CHMP1A: variants seen among roughly 807,000 people sequenced by gnomAD.
CHMP1A encodes charged multivesicular body protein 1A.
A neutral mutation model predicts 27.0 loss-of-function variants in CHMP1A; 17 were observed. That is an observed-to-expected ratio of 0.63 (90% CI 0.43 to 0.95). The LOEUF is 0.95. Among genes scored for constraint, CHMP1A ranks in the 40% least tolerant of loss-of-function variants. The pLI, the probability that CHMP1A is intolerant of heterozygous loss-of-function variation, is 0.00. For missense variants in CHMP1A, 275 were observed against 264.0 expected, an observed-to-expected ratio of 1.04 and a Z score of -0.29; for synonymous variants, 131 against 107.5, an observed-to-expected ratio of 1.22 and a Z score of -1.35.
chr16:89,655,920 C>G (rs1008203336), intron 1 of CHMP1A, among the ~76,000 whole-genome samples: 2 of 152,178 alleles, frequency 1.3e-5, no homozygotes, highest in African/African-American at 2.4e-5. Flanking sequence ...GCCACCACAT[C>G]CGGCCTCCCA....
intron 1 of CHMP1A, among the ~76,000 whole-genome samples, chr16:89,656,089 T>G (rs2059864978): frequency 6.6e-6 from 1 of 152,160 alleles, no homozygotes. Context: ...CTCTACACAT[T>G]TCCTTCATGA....
At chr16:89,654,874 C>A (rs888559541) in intron 1 of CHMP1A, among the ~76,000 whole-genome samples, 1 of 151,692 alleles carries the variant, frequency 6.6e-6, no homozygotes, top group South Asian at 2.1e-4. Context: ...ACCCGGGAGG[C>A]AGAGCTTGCA....
intron 1 of CHMP1A, among the ~76,000 whole-genome samples, chr16:89,656,649 G>T (rs2059874611): frequency 6.6e-6 from 1 of 152,196 alleles, no homozygotes; most frequent in Non-Finnish European, 1.5e-5. Flanking sequence ...TTCCCCACAT[G>T]GAGAATGGAC....
intron 3 of CHMP1A, among the ~76,000 whole-genome samples, chr16:89,651,050 T>C (rs1299667803): frequency 3.3e-5 from 5 of 152,024 alleles, no homozygotes; most frequent in Non-Finnish European, 7.4e-5. Flanking sequence ...GTTTGTCTTA[T>C]GTGGGAAGCA....
chr16:89,651,352 C>A (rs959358541), intron 3 of CHMP1A, among the ~76,000 whole-genome samples: 4 of 150,904 alleles, frequency 2.7e-5, no homozygotes, highest in Admixed American at 6.7e-5. Context: ...GCCTGGGCGA[C>A]AGAGCAAGAC....
At chr16:89,651,491 C>T (rs2059823476) in intron 3 of CHMP1A, 78 bp downstream of exon 3, 1 of 1,398,306 alleles carries the variant, frequency 7.2e-7, no homozygotes, top group Non-Finnish European at 1.0e-6. Flanking sequence ...CAAAACAAAA[C>T]AGGACACAAA....
rs530882555 is a variant in CHMP1A, at chr16:89,646,574, G to A, written c.522C>T (p.Ala174=). 67 of 1,596,870 alleles carry A rather than the reference G, an allele frequency of 4.2e-5. No individual in the cohort carries two copies. Among genetic ancestry groups the A allele is most frequent in the Admixed American group, 2.8e-4 (16 of 57,474 alleles). The change falls in exon 6 of 7, where the codon GCC becomes GCT. Residue 174 remains alanine (A), a synonymous_variant. Coordinates refer to ENST00000397901, the MANE Select transcript of CHMP1A (RefSeq NM_002768.5). ...GGCTGCGCACAGAGCTCTCGCCCACGGCAGAGGCGCCCTCGGGCAGCTGGC... is the reference window on the plus strand; with the variant it reads ...GGCTGCGCACAGAGCTCTCGCCCACAGCAGAGGCGCCCTCGGGCAGCTGGC... The part of the protein sequence containing the change: ...QLSQLPEGAS[A]VGESSVRSQE...
chr16:89,657,144 A>C (rs2059885147), intron 1 of CHMP1A, among the ~76,000 whole-genome samples: 1 of 89,824 alleles, frequency 1.1e-5, no homozygotes. Flanking sequence ...GGGGCCTGGG[A>C]AGGGTCCCGG....
rs549248870 is a variant in CHMP1A, at chr16:89,649,450, G to A, written c.153C>T (p.Asn51=). The A allele has an allele frequency of 4.4e-5, 71 of 1,613,730 alleles. No homozygotes were observed. In the South Asian group the frequency reaches 4.9e-4, roughly 11 times the overall value. Residue 51 remains asparagine (N), a synonymous_variant, in exon 4 of 7, where the codon AAC becomes AAT. Coordinates refer to ENST00000397901, the MANE Select transcript of CHMP1A (RefSeq NM_002768.5). Reference sequence around the variant, plus strand: ...CACCTTCGTTCTTCTTGCGGATGGCGTTCTCGGCATACACACGGGCACACT... The same window carrying A: ...CACCTTCGTTCTTCTTGCGGATGGCATTCTCGGCATACACACGGGCACACT... ...NVECARVYAE[N]AIRKKNEGVN...
In CHMP1A at chr16:89,647,917, G is replaced by C. The variant is rs369372540; in HGVS notation, c.253-586C>G. The stretch of plus-strand genomic sequence containing the variant: ...CGACGTGGACACCCAGCGCGGGGTC[G>C]GTGGAGAAAAGGCCGCCGACGTGGG... On this transcript the variant is annotated intron_variant, in intron 4 of 6. Coordinates refer to ENST00000397901, the MANE Select transcript of CHMP1A (RefSeq NM_002768.5). Among the ~76,000 whole-genome samples the C allele has an allele frequency of 0.013, 48 of 3,766 alleles. 16 individuals are homozygous for C. The East Asian group carries it at 0.7, about 55-fold the overall frequency. 2.5% of individuals were successfully genotyped at this position (3,766 alleles called of 152,430 possible).
Position 89,651,549 on chromosome 16 carries a change from C to T in CHMP1A, c.105+20G>A. The T allele has an allele frequency of 6.2e-7, 1 of 1,612,122 alleles. No homozygotes were observed. Among genetic ancestry groups the T allele is most frequent in the Non-Finnish European group, 8.5e-7 (1 of 1,178,480 alleles). The stretch of plus-strand genomic sequence containing the variant: ...AGACAAACCAGGAGAGTCATGACCC[C>T]ACAGCCCCCAGGGTCTCACCTTCTT... On this transcript the variant is annotated intron_variant, in intron 3 of 6. Transcript: ENST00000397901.
chr16:89,646,896 A>AACCC, intron 5 of CHMP1A, 182 bp from the exon 6 acceptor site: 4 of 189,474 alleles, frequency 2.1e-5, no homozygotes, highest in Non-Finnish European at 3.8e-5. Flanking sequence ...CCCCCCACCC[A>AACCC]GCCCCACCCT....
Position 89,645,336 on chromosome 16 carries a change from T to C in CHMP1A, c.*730A>G, listed in dbSNP as rs1432270452. 1 of 153,616 alleles carries C rather than the reference T, an allele frequency of 6.5e-6. No individual in the cohort carries two copies. Among genetic ancestry groups the C allele is most frequent in the East Asian group, 1.9e-4 (1 of 5,202 alleles). 9.5% of individuals were successfully genotyped at this position (153,616 alleles called of 1,614,324 possible). A position where few individuals can be genotyped will look rare whatever the true frequency, so the allele number is the denominator to read the frequency against. On this transcript the variant is annotated 3_prime_UTR_variant, in exon 7 of 7. Transcript: ENST00000397901. ...GAGGAGACAAACAGCACAGCACATG[T>C]GGCCAAAGGCACCTCCAGAGGCAGC...
rs1428189060 is a variant in CHMP1A, at chr16:89,649,355, T to C, written c.248A>G (p.Lys83Arg). 1.9e-6 allele frequency: 3 copies of C among 1,611,744 alleles called. No individual in the cohort carries two copies. Among genetic ancestry groups the C allele is most frequent in the Non-Finnish European group, 2.5e-6 (3 of 1,178,322 alleles). The change falls in exon 4 of 7, where the codon AAG (lysine) becomes AGG (arginine). Residue 83 changes from lysine to arginine, a missense_variant. Physicochemically the swap from Lys to Arg is conservative, Grantham distance 26. Coordinates refer to ENST00000397901, the MANE Select transcript of CHMP1A (RefSeq NM_002768.5). ...ASKVQTAVTM[K>R]GVTKNMAQVT... Reference sequence around the variant, plus strand: ...GCACCAGGGCCCAGCACTCACCCCCTTCATAGTCACAGCTGTCTGCACCTT... The same window carrying C: ...GCACCAGGGCCCAGCACTCACCCCCCTCATAGTCACAGCTGTCTGCACCTT...
chr16:89,656,339 G>A (rs1568006138), intron 1 of CHMP1A, among the ~76,000 whole-genome samples: 1 of 151,824 alleles, frequency 6.6e-6, no homozygotes, highest in African/African-American at 2.4e-5. Flanking sequence ...GGGTTTCACT[G>A]TGTTAGCCAG....
chr16:89,649,711 G>C (rs1054882184), intron 3 of CHMP1A: 3 of 533,312 alleles, frequency 5.6e-6, no homozygotes, highest in Non-Finnish European at 9.8e-6. Context: ...GAGTAGTTGG[G>C]ACTACAGGCG....
chr16:89,649,395 C>A lies in CHMP1A; in HGVS notation c.208G>T (p.Asp70Tyr). Residue 70 changes from aspartate (D) to tyrosine (Y), a missense_variant, in exon 4 of 7, where the codon GAC becomes TAC. Coordinates refer to ENST00000397901, the MANE Select transcript of CHMP1A (RefSeq NM_002768.5). Reference sequence around the variant, plus strand: ...GTCTGCACCTTGGAGGCCACTGCGTCTACGCGGGACGCCATCCGAAGCCAG... The same window carrying A: ...GTCTGCACCTTGGAGGCCACTGCGTATACGCGGGACGCCATCCGAAGCCAG... ...VNWLRMASRV[D>Y]AVASKVQTAV... The A allele has an allele frequency of 6.2e-7, 1 of 1,613,708 alleles. No homozygotes were observed. The highest frequency in any genetic ancestry group is 8.5e-7 in the Non-Finnish European group (1 of 1,179,878).
chr16:89,656,176 G>C (rs1049915940), intron 1 of CHMP1A, among the ~76,000 whole-genome samples: 1 of 152,098 alleles, frequency 6.6e-6, no homozygotes, highest in Non-Finnish European at 1.5e-5. Flanking sequence ...TCGCTCTGTC[G>C]CCCAGGCTGG....
chr16:89,650,106 AAAGTC>A (rs2151514267), intron 3 of CHMP1A, among the ~76,000 whole-genome samples: 1 of 152,310 alleles, frequency 6.6e-6, no homozygotes, highest in Admixed American at 6.5e-5. Flanking sequence ...AAGAGTTACC[AAAGTC>A]CAATACGCTG....
Sources: gnomAD v4.1 joint callset for allele counts (sites outside exome capture counted in the v4.1 genomes callset) on GRCh38, gnomAD v4.1.1 for gene constraint, MANE v1.5 for transcripts, NCBI Gene and HGNC (gene_info 2026-07-23, HGNC 2026-07-21) for gene names.